TRIM44: variants seen among roughly 807,000 people sequenced by gnomAD.
TRIM44 encodes tripartite motif containing 44, also known as tripartite motif-containing protein 44.
In TRIM44, 13 loss-of-function variants were observed where a neutral mutation model predicts 37.4. The ratio of observed to expected loss-of-function variants is 0.35; its 90% CI spans 0.23 to 0.55. The LOEUF is 0.55. Ranked by LOEUF, TRIM44 falls within the 20% of genes least tolerant of loss-of-function variation. TRIM44 has a pLI of 0.89. For synonymous variants in TRIM44, 175 were observed against 157.2 expected (o/e 1.11, Z -0.85); for missense variants, 426 against 437.2 (o/e 0.97, Z 0.23).
At chr11:35,767,521 G>T (rs150544234) in intron 4 of TRIM44, among the ~76,000 whole-genome samples, 1 of 151,974 alleles carries the variant, frequency 6.6e-6, no homozygotes, top group Non-Finnish European at 1.5e-5. Flanking sequence ...CTTTTCTGTG[G>T]TTGTATTATG....
At chr11:35,695,090 A>G (rs763599054) in intron 2 of TRIM44, among the ~76,000 whole-genome samples, 6 of 152,282 alleles carry the variant, frequency 3.9e-5, no homozygotes, top group East Asian at 3.9e-4. Flanking sequence ...TTGTTTTCCT[A>G]GGAATATAGG....
At position 35,812,192 on chromosome 11, in the gene TRIM44, A is replaced by G. The variant is rs758218317; in HGVS notation, c.*5807A>G. On this transcript the variant is annotated 3_prime_UTR_variant, in exon 5 of 5. Transcript: ENST00000299413. ...TTTATTACTCTTTGTTTGGTCCAAC[A>G]TGGCCCCATTTCCTTTATACTCATA... 1 of 152,160 alleles carries G rather than the reference A, an allele frequency of 6.6e-6. No individual in the cohort carries two copies. The highest frequency in any genetic ancestry group is 1.5e-5 in the Non-Finnish European group (1 of 68,028). The allele number at this position is 152,160 out of a possible 1,614,324, so 9.4% of individuals were successfully genotyped here. A position where few individuals can be genotyped will look rare whatever the true frequency, so the allele number is the denominator to read the frequency against.
chr11:35,724,864 C>T (rs970840231), intron 2 of TRIM44, among the ~76,000 whole-genome samples: 1 of 152,156 alleles, frequency 6.6e-6, no homozygotes, highest in Non-Finnish European at 1.5e-5. Flanking sequence ...TCTCAGAAGG[C>T]ACCTTGGCAG....
intron 3 of TRIM44, among the ~76,000 whole-genome samples, chr11:35,731,696 T>C (rs1282866744): frequency 6.6e-6 from 1 of 152,200 alleles, no homozygotes; most frequent in Non-Finnish European, 1.5e-5. Flanking sequence ...TTGGTGTGTC[T>C]TTATTTATAT....
rs1411224270 is a variant in TRIM44, at chr11:35,813,032, T to TC, written c.*6649dup. On this transcript the variant is annotated 3_prime_UTR_variant, in exon 5 of 5. Coordinates refer to ENST00000299413, the MANE Select transcript of TRIM44 (RefSeq NM_017583.6). ...ATTTAATTAAACATGTTGAAGGCTC[T>TC]CCAACAGCTTGACGTCAGGCCAGCT... 6.6e-6 allele frequency: 1 copy of TC among 152,182 alleles called. No individual in the cohort carries two copies. Among genetic ancestry groups the TC allele is most frequent in the African/African-American group, 2.4e-5 (1 of 41,436 alleles). 9.4% of individuals were successfully genotyped at this position (152,182 alleles called of 1,614,324 possible).
intron 4 of TRIM44, among the ~76,000 whole-genome samples, chr11:35,770,060 C>T (rs1033475285): frequency 6.6e-6 from 1 of 152,110 alleles, no homozygotes; most frequent in South Asian, 2.1e-4. Flanking sequence ...TGCCCCACTC[C>T]CTTCCCCGTC....
chr11:35,788,171 C>T (rs1853154144), intron 4 of TRIM44, among the ~76,000 whole-genome samples: 1 of 152,140 alleles, frequency 6.6e-6, no homozygotes, highest in Non-Finnish European at 1.5e-5. Context: ...TGAGTAGTCT[C>T]TGTAGGATGG....
chr11:35,800,232 C>T (rs540546818), intron 4 of TRIM44, among the ~76,000 whole-genome samples: 25 of 152,212 alleles, frequency 1.6e-4, no homozygotes, highest in Admixed American at 9.2e-4. Flanking sequence ...ACCTTCACGG[C>T]GAGTGTTACA....
chr11:35,686,649 C>G (rs1851585730), intron 2 of TRIM44, among the ~76,000 whole-genome samples: 1 of 152,050 alleles, frequency 6.6e-6, no homozygotes, highest in South Asian at 2.1e-4. Context: ...CTCTCCCTCC[C>G]AGGTTCAAGT....
chr11:35,774,566 T>C (rs978623881), intron 4 of TRIM44, among the ~76,000 whole-genome samples: 2 of 152,234 alleles, frequency 1.3e-5, no homozygotes, highest in Non-Finnish European at 2.9e-5. Context: ...TGAATGGTAT[T>C]ACCTAGGTTT....
Position 35,815,798 on chromosome 11 carries a change from G to T in TRIM44, c.*9413G>T, listed in dbSNP as rs1002678147. The T allele has an allele frequency of 2.0e-5, 3 of 152,174 alleles. No homozygotes were observed. Among genetic ancestry groups the T allele is most frequent in the African/African-American group, 7.2e-5 (3 of 41,448 alleles). 9.4% of individuals were successfully genotyped at this position (152,174 alleles called of 1,614,324 possible). ...TAAAGAAGCCAGGATTCCTAGAATG[G>T]TCTGTCTTTTGCCATTTCTGGGACA... On this transcript the variant is annotated 3_prime_UTR_variant, in exon 5 of 5. Coordinates refer to ENST00000299413, the MANE Select transcript of TRIM44 (RefSeq NM_017583.6).
At chr11:35,778,858 A>G (rs191383950) in intron 4 of TRIM44, among the ~76,000 whole-genome samples, 9 of 152,258 alleles carry the variant, frequency 5.9e-5, no homozygotes, top group African/African-American at 1.2e-4. Flanking sequence ...TCAGCCCCCT[A>G]TTGGGAGTTC....
chr11:35,803,396 C>T (rs1272091431), intron 4 of TRIM44, among the ~76,000 whole-genome samples: 1 of 152,094 alleles, frequency 6.6e-6, no homozygotes, highest in Non-Finnish European at 1.5e-5. Flanking sequence ...GGCTGTATTA[C>T]TTCCCTTGCA....
chr11:35,778,276 G>C (rs544076232), intron 4 of TRIM44, among the ~76,000 whole-genome samples: 2 of 152,058 alleles, frequency 1.3e-5, no homozygotes, highest in Non-Finnish European at 2.9e-5. Context: ...CATTTGTCAC[G>C]TAGTTTTCGT....
At chr11:35,670,256 G>A (rs1564939171) in intron 1 of TRIM44, among the ~76,000 whole-genome samples, 1 of 152,208 alleles carries the variant, frequency 6.6e-6, no homozygotes, top group Non-Finnish European at 1.5e-5. Flanking sequence ...CTCAGATCAA[G>A]AACTGCTTCG....
intron 4 of TRIM44, among the ~76,000 whole-genome samples, chr11:35,791,679 A>AC (rs780023956): frequency 6.6e-6 from 1 of 151,630 alleles, no homozygotes. Context: ...CACCTGGCAT[A>AC]CCCCCCGCTC....
At chr11:35,758,695 T>G (rs929891068) in intron 4 of TRIM44, among the ~76,000 whole-genome samples, 5 of 152,172 alleles carry the variant, frequency 3.3e-5, no homozygotes, top group Admixed American at 2.6e-4. Flanking sequence ...GGCAGGCTTG[T>G]TGGTGACAAA....
At chr11:35,735,800 T>G (rs147916358) in intron 4 of TRIM44, among the ~76,000 whole-genome samples, 8 of 152,214 alleles carry the variant, frequency 5.3e-5, no homozygotes, top group Admixed American at 5.2e-4. Flanking sequence ...TTGATTGGAA[T>G]TAGATTGATT....
chr11:35,756,090 T>C (rs184344344), intron 4 of TRIM44, among the ~76,000 whole-genome samples: 1,650 of 152,336 alleles, frequency 0.011, 32 homozygotes, highest in African/African-American at 0.038. Flanking sequence ...ATAAATTACC[T>C]TGGGCAGTAT....
Sources: allele counts gnomAD v4.1 joint callset (sites outside exome capture counted in the v4.1 genomes callset), GRCh38; gene constraint gnomAD v4.1.1; transcripts MANE v1.5; gene names NCBI Gene and HGNC (gene_info 2026-07-23, HGNC 2026-07-21).